Variants in SORCS3 observed in about 807,000 individuals in gnomAD.
The protein encoded by SORCS3 is sortilin related VPS10 domain containing receptor 3, also known as VPS10 domain-containing receptor SorCS3.
Under a neutral mutation model 146.3 loss-of-function variants are expected in SORCS3, and 57 were observed. That is an observed-to-expected ratio of 0.39 (90% confidence interval 0.31 to 0.49). The LOEUF (loss-of-function observed/expected upper bound fraction) is 0.49. Ranked by LOEUF, SORCS3 falls within the 20% of genes least tolerant of loss-of-function variation. The pLI is 0.92. For missense variants in SORCS3, 1,341 were observed against 1,575.5 expected, an observed-to-expected ratio of 0.85 and a Z score of 2.52; for synonymous variants, 653 against 618.5, an observed-to-expected ratio of 1.06 and a Z score of -0.83.
intron 2 of SORCS3, among the ~76,000 whole-genome samples, chr10:104,853,093 T>A (rs952722320): frequency 6.6e-6 from 1 of 151,888 alleles, no homozygotes; most frequent in Non-Finnish European, 1.5e-5. Context: ...AAGTCAGGAG[T>A]TCCAGACCAG....
chr10:105,023,982 C>T (rs553872121), intron 4 of SORCS3, among the ~76,000 whole-genome samples: 21 of 152,100 alleles, frequency 1.4e-4, no homozygotes, highest in Non-Finnish European at 2.5e-4. Flanking sequence ...TTCACTTACT[C>T]ACGCAGGCAA....
At chr10:104,653,209 A>G (rs1377358977) in intron 1 of SORCS3, among the ~76,000 whole-genome samples, 1 of 152,212 alleles carries the variant, frequency 6.6e-6, no homozygotes, top group African/African-American at 2.4e-5. Context: ...AGTGTGGTGT[A>G]TAAATTGCTT....
intron 11 of SORCS3, among the ~76,000 whole-genome samples, chr10:105,162,649 T>C (rs79158012): frequency 7.4e-4 from 112 of 152,262 alleles, no homozygotes; most frequent in Non-Finnish European, 1.2e-3. Flanking sequence ...TTTCCACAAA[T>C]AGAGTTCACT....
chr10:104,784,987 C>T (rs936118832), intron 1 of SORCS3, among the ~76,000 whole-genome samples: 26 of 152,080 alleles, frequency 1.7e-4, no homozygotes, highest in Non-Finnish European at 3.1e-4. Context: ...GGGTGGTGGC[C>T]GGGCAGAGGG....
chr10:105,258,059 C>CCCTTCTT (rs1470231947), intron 25 of SORCS3, among the ~76,000 whole-genome samples: 1 of 152,132 alleles, frequency 6.6e-6, no homozygotes, highest in African/African-American at 2.4e-5. Flanking sequence ...CTTCCTGCCC[C>CCCTTCTT]CCTTCTTCCT....
At chr10:105,086,985 CAT>C (rs2055665472) in intron 5 of SORCS3, among the ~76,000 whole-genome samples, 1 of 32,842 alleles carries the variant, frequency 3.0e-5, no homozygotes, top group Admixed American at 3.3e-4. Flanking sequence ...AGTCTTTGCC[CAT>C]GCCTATGTCC....
intron 1 of SORCS3, among the ~76,000 whole-genome samples, chr10:104,781,162 A>G (rs1205712199): frequency 3.3e-5 from 5 of 152,224 alleles, no homozygotes; most frequent in Admixed American, 2.0e-4. Flanking sequence ...AGAACGCTTT[A>G]TAGCTCAGAT....
intron 22 of SORCS3, among the ~76,000 whole-genome samples, chr10:105,250,245 C>T (rs1301457883): frequency 6.6e-6 from 1 of 152,146 alleles, no homozygotes; most frequent in Middle Eastern, 3.2e-3. Flanking sequence ...GATACCATCA[C>T]ATTGGATATT....
chr10:105,179,801 T>C (rs1286620613), intron 14 of SORCS3, among the ~76,000 whole-genome samples: 1 of 152,192 alleles, frequency 6.6e-6, no homozygotes, highest in African/African-American at 2.4e-5. Flanking sequence ...AAGATTGAAA[T>C]AGGAGTTTTA....
intron 2 of SORCS3, among the ~76,000 whole-genome samples, chr10:104,848,604 T>C (rs909993487): frequency 2.6e-5 from 4 of 152,214 alleles, no homozygotes; most frequent in African/African-American, 9.6e-5. Context: ...CCCCATTCGC[T>C]AGGCTCTTTA....
chr10:105,052,638 T>C (rs2055421139), intron 5 of SORCS3, among the ~76,000 whole-genome samples: 1 of 152,044 alleles, frequency 6.6e-6, no homozygotes, highest in Admixed American at 6.6e-5. Flanking sequence ...AGTACTTGCA[T>C]GTTACATTAA....
rs1221213654 is a variant in SORCS3 at position 105,242,529 on chromosome 10, T to C, written c.2869-3013T>C. Among the ~76,000 whole-genome samples, 122 of 103,506 alleles carry C rather than the reference T, an allele frequency of 1.2e-3. 1 individual carries two copies. Among genetic ancestry groups the C allele is most frequent in the African/African-American group, 4.7e-3 (111 of 23,836 alleles). The allele number at this position is 103,506 out of a possible 152,430, so 67.9% of individuals were successfully genotyped here. A position where few individuals can be genotyped will look rare whatever the true frequency, so the allele number is the denominator to read the frequency against. On this transcript the variant is annotated intron_variant, in intron 20 of 26. Transcript: ENST00000369701. ...ATATATATTTATATACATTTATATATATTTATATATATTTATATATTTATA... is the reference window on the plus strand; with the variant it reads ...ATATATATTTATATACATTTATATACATTTATATATATTTATATATTTATA...
rs1377719438 is a variant in SORCS3, at chr10:104,940,228, ATATATATATATTTTTTTTT to A, written c.795+24298_795+24316del. 6.9e-3 allele frequency among the ~76,000 whole-genome samples: 235 copies of A among 34,212 alleles called. 5 individuals carry two copies. The highest frequency in any genetic ancestry group is 8.6e-3 in the South Asian group (11 of 1,274). The allele number at this position is 34,212 out of a possible 152,430, so 22.4% of individuals were successfully genotyped here. On this transcript the variant is annotated intron_variant, in intron 3 of 26. Transcript: ENST00000369701. The stretch of plus-strand genomic sequence containing the variant: ...TTTATATATATATATATATATATAT[ATATATATATATTTTTTTTT>A]TTTTTTTTATTATACTTTAAGTTCT...
intron 4 of SORCS3, among the ~76,000 whole-genome samples, chr10:105,016,156 T>TATATATATATATATATATATATATATA (rs1554868994): frequency 2.7e-5 from 2 of 74,880 alleles, no homozygotes; most frequent in African/African-American, 8.2e-5. Context: ...TATATATATA[T>TATATATATATATATATATATATATATA]TTTTTTTTTT....
chr10:105,053,333 A>G (rs575963918), intron 5 of SORCS3, among the ~76,000 whole-genome samples: 1 of 152,174 alleles, frequency 6.6e-6, no homozygotes, highest in African/African-American at 2.4e-5. Context: ...CACTTCCACC[A>G]AGAGGTGTCC....
At chr10:104,797,929 C>T (rs1218503451) in intron 1 of SORCS3, among the ~76,000 whole-genome samples, 2 of 152,150 alleles carry the variant, frequency 1.3e-5, no homozygotes, top group Non-Finnish European at 2.9e-5. Flanking sequence ...CAGCTCAGAG[C>T]TACTGAATTA....
chr10:104,759,097 T>TG (rs2017091640), intron 1 of SORCS3, among the ~76,000 whole-genome samples: 1 of 152,044 alleles, frequency 6.6e-6, no homozygotes, highest in African/African-American at 2.4e-5. Flanking sequence ...GATGTCCTTA[T>TG]AAAAGGGGGA....
At chr10:104,933,320 T>A (rs1336727807) in intron 3 of SORCS3, among the ~76,000 whole-genome samples, 3 of 150,192 alleles carry the variant, frequency 2.0e-5, no homozygotes, top group Admixed American at 1.3e-4. Flanking sequence ...TTTTTTTTTT[T>A]ATAATGGATG....
chr10:105,239,177 T>A (rs1216519674), intron 20 of SORCS3, among the ~76,000 whole-genome samples: 1 of 152,198 alleles, frequency 6.6e-6, no homozygotes, highest in Non-Finnish European at 1.5e-5. Context: ...TTTCTTTGTA[T>A]GTTAAGATTT....
Sources: allele counts gnomAD v4.1 joint callset (sites outside exome capture counted in the v4.1 genomes callset), GRCh38; gene constraint gnomAD v4.1.1; transcripts MANE v1.5; gene names NCBI Gene and HGNC (gene_info 2026-07-23, HGNC 2026-07-21).